The following APPL2 variants were observed in gnomAD, a reference collection of about 807,000 sequenced individuals.
APPL2 encodes DCC-interacting protein 13-beta.
Under a neutral mutation model 92.7 loss-of-function variants are expected in APPL2, and 84 were observed. That is an observed-to-expected ratio of 0.91 (90% CI 0.76 to 1.09). APPL2 has a LOEUF of 1.09. Among genes scored for constraint, APPL2 ranks in the 50% least tolerant of loss-of-function variants. The pLI is 0.00. For synonymous variants in APPL2, 291 were observed against 291.0 expected, an observed-to-expected ratio of 1.00 and a Z score of 0.00; for missense variants, 736 against 824.5, an observed-to-expected ratio of 0.89 and a Z score of 1.31.
At chr12:105,175,248 C>T (rs919442627) in intron 20 of APPL2, among the ~76,000 whole-genome samples, 9 of 152,112 alleles carry the variant, frequency 5.9e-5, no homozygotes, top group African/African-American at 2.2e-4. Flanking sequence ...ACATAAAGAC[C>T]CTTTATAGAA....
intron 1 of APPL2, 151 bp from the exon 2 acceptor site, chr12:105,229,374 C>T (rs1254334122): frequency 1.2e-6 from 1 of 831,282 alleles, no homozygotes; most frequent in East Asian, 2.8e-5. Flanking sequence ...TTGATAGTAC[C>T]AGTACCATTT....
Position 105,224,365 on chromosome 12 carries a change from G to A in APPL2, c.153+4760C>T, listed in dbSNP as rs770561504. On this transcript the variant is annotated intron_variant, in intron 2 of 20. Transcript: ENST00000258530. ...AAAGGAACTGGGTCCTGCCTCTAGCGTATTACAAAGCTGTGGGCTGATAAA... is the reference window on the plus strand; with the variant it reads ...AAAGGAACTGGGTCCTGCCTCTAGCATATTACAAAGCTGTGGGCTGATAAA... Among the ~76,000 whole-genome samples the A allele has an allele frequency of 8.5e-5, 13 of 152,196 alleles. No homozygotes were observed. In the East Asian group the frequency reaches 9.6e-4, roughly 11 times the overall value.
At chr12:105,235,356 G>T (rs1413579986) in intron 1 of APPL2, 1 of 152,194 alleles carries the variant, frequency 6.6e-6, no homozygotes, top group Non-Finnish European at 1.5e-5. Flanking sequence ...AAATGGGGCA[G>T]GTACTGTATT....
At position 105,199,629 on chromosome 12, in the gene APPL2, C is replaced by T. The variant is rs572547882; in HGVS notation, c.705-98G>A. 4.1e-5 allele frequency: 56 copies of T among 1,355,584 alleles called. No individual in the cohort carries two copies. In the African/African-American group the frequency reaches 4.5e-4, roughly 11 times the overall value. The allele number at this position is 1,355,584 out of a possible 1,614,324, so 84.0% of individuals were successfully genotyped here. Reference sequence around the variant, plus strand: ...CATCACTCCACCCCCGCAAAGCTTCCGGCCTTACAGATGGAGCTGCCAGCC... The same window carrying T: ...CATCACTCCACCCCCGCAAAGCTTCTGGCCTTACAGATGGAGCTGCCAGCC... On this transcript the variant is annotated intron_variant, in intron 9 of 20. Coordinates refer to ENST00000258530, the MANE Select transcript of APPL2 (RefSeq NM_018171.5).
Position 105,174,578 on chromosome 12 carries a change from C to T in APPL2, c.1861-130G>A, listed in dbSNP as rs1043745821. 4.4e-6 allele frequency: 4 copies of T among 906,024 alleles called. 1 individual carries two copies. Among genetic ancestry groups the T allele is most frequent in the South Asian group, 5.1e-5 (2 of 39,276 alleles). The allele number at this position is 906,024 out of a possible 1,614,324, so 56.1% of individuals were successfully genotyped here. ...CTGACTCTTGTGTATATGTGCCTTC[C>T]GCTGAGTCTCCTTGCTTCTCAAACT... On this transcript the variant is annotated intron_variant, in intron 20 of 20. Coordinates refer to ENST00000258530, the MANE Select transcript of APPL2 (RefSeq NM_018171.5).
intron 17 of APPL2, among the ~76,000 whole-genome samples, chr12:105,178,905 CTTA>C (rs1885816940): frequency 6.6e-6 from 1 of 152,180 alleles, no homozygotes; most frequent in African/African-American, 2.4e-5. Flanking sequence ...GTAAAATTCC[CTTA>C]TAAGTGAAAA....
intron 17 of APPL2, among the ~76,000 whole-genome samples, chr12:105,184,849 G>A (rs1255550297): frequency 4.6e-5 from 7 of 152,238 alleles, no homozygotes; most frequent in East Asian, 1.9e-4. Context: ...CTGAAACTGC[G>A]CCCACAGCCA....
At chr12:105,211,911 G>A (rs1475626892) in intron 4 of APPL2, among the ~76,000 whole-genome samples, 1 of 152,106 alleles carries the variant, frequency 6.6e-6, no homozygotes, top group Non-Finnish European at 1.5e-5. Flanking sequence ...ATGAGGTCAG[G>A]AGATCGAGAC....
chr12:105,188,008 G>A (rs1886881414), intron 17 of APPL2, among the ~76,000 whole-genome samples: 1 of 151,122 alleles, frequency 6.6e-6, no homozygotes, highest in Non-Finnish European at 1.5e-5. Context: ...CCATTTTCAA[G>A]CTCTGAGCTA....
intron 17 of APPL2, among the ~76,000 whole-genome samples, chr12:105,184,391 G>T (rs1886401477): frequency 1.3e-5 from 2 of 152,154 alleles, no homozygotes; most frequent in South Asian, 4.1e-4. Context: ...CCTCATCTTT[G>T]TGGATTTATC....
chr12:105,176,120 GAGA>G (rs1435192880), intron 19 of APPL2, 38 bp from the exon 20 acceptor site: 1 of 1,557,040 alleles, frequency 6.4e-7, no homozygotes, highest in Admixed American at 1.8e-5. Context: ...GGCAAAAGTA[GAGA>G]AGGATAAAAT....
chr12:105,174,507 CT>C, intron 20 of APPL2, 59 bp from the exon 21 acceptor site: 1 of 1,551,502 alleles, frequency 6.4e-7, no homozygotes. Context: ...ATTTAAACCC[CT>C]TTGGCCTGGC....
chr12:105,197,400 CT>C (rs1474505520), intron 11 of APPL2, among the ~76,000 whole-genome samples: 1 of 152,244 alleles, frequency 6.6e-6, no homozygotes. Flanking sequence ...TTACTCTCCC[CT>C]GCTGCAATCC....
chr12:105,233,301 A>C (rs1254343899), intron 1 of APPL2: 104 of 985,488 alleles, frequency 1.1e-4, no homozygotes, highest in Non-Finnish European at 1.2e-4. Context: ...AGAGGCTTCT[A>C]AACAACAATG....
At chr12:105,193,528 AAAGAG>A (rs1349774206) in intron 14 of APPL2, among the ~76,000 whole-genome samples, 10 of 152,238 alleles carry the variant, frequency 6.6e-5, no homozygotes, top group African/African-American at 2.4e-4. Context: ...GTAACTTTAC[AAAGAG>A]AAGACATACA....
rs2135975901 is a variant in APPL2 at position 105,199,658 on chromosome 12, T to TA, written c.705-128dup. ...CTTACAGATGGAGCTGCCAGCCTCCTACAGGGCCACAACCCTCTACCCTTA... is the reference window on the plus strand; with the variant it reads ...CTTACAGATGGAGCTGCCAGCCTCCTAACAGGGCCACAACCCTCTACCCTTA... On this transcript the variant is annotated intron_variant, in intron 9 of 20. Coordinates refer to ENST00000258530, the MANE Select transcript of APPL2 (RefSeq NM_018171.5). The TA allele has an allele frequency of 5.1e-6, 5 of 978,004 alleles. No individual in the cohort carries two copies. The South Asian group carries it at 8.6e-5, about 17-fold the overall frequency. The allele number at this position is 978,004 out of a possible 1,614,324, so 60.6% of individuals were successfully genotyped here. A position where few individuals can be genotyped will look rare whatever the true frequency, so the allele number is the denominator to read the frequency against.
chr12:105,189,262 C>T (rs1886991545), intron 16 of APPL2, among the ~76,000 whole-genome samples: 1 of 152,116 alleles, frequency 6.6e-6, no homozygotes, highest in Non-Finnish European at 1.5e-5. Flanking sequence ...AACTCCTAAG[C>T]TCACGTGATT....
Position 105,207,270 on chromosome 12 carries a change from G to T in APPL2, c.475-63C>A, listed in dbSNP as rs931835685. On this transcript the variant is annotated intron_variant, in intron 7 of 20. Coordinates refer to ENST00000258530, the MANE Select transcript of APPL2 (RefSeq NM_018171.5). Reference sequence around the variant, plus strand: ...CTGTACGTGACAATTCTGTAAAAGCGTGTGCTTCAAAATGTGTGTTTATGC... The same window carrying T: ...CTGTACGTGACAATTCTGTAAAAGCTTGTGCTTCAAAATGTGTGTTTATGC... 4.7e-6 allele frequency: 7 copies of T among 1,496,610 alleles called. No homozygotes were observed. In the African/African-American group the frequency reaches 7.0e-5, roughly 15 times the overall value. 92.7% of individuals were successfully genotyped at this position (1,496,610 alleles called of 1,614,324 possible). A position where few individuals can be genotyped will look rare whatever the true frequency, so the allele number is the denominator to read the frequency against.
chr12:105,213,655 C>A (rs1479702993), intron 4 of APPL2, among the ~76,000 whole-genome samples: 1 of 152,176 alleles, frequency 6.6e-6, no homozygotes, highest in Non-Finnish European at 1.5e-5. Flanking sequence ...CAGGTGTAAG[C>A]CACATAAATT....
Sources: allele counts gnomAD v4.1 joint callset (sites outside exome capture counted in the v4.1 genomes callset), GRCh38; gene constraint gnomAD v4.1.1; transcripts MANE v1.5; gene names NCBI Gene and HGNC (gene_info 2026-07-23, HGNC 2026-07-21).